CDH13: variants seen among roughly 807,000 people sequenced by gnomAD.
CDH13 encodes cadherin-13.
In CDH13, 24 loss-of-function variants were observed where a neutral mutation model predicts 63.8. That is an observed-to-expected ratio of 0.38 (90% CI 0.27 to 0.53). The LOEUF (loss-of-function observed/expected upper bound fraction) is 0.53. Ranked by LOEUF, CDH13 falls within the 20% of genes least tolerant of loss-of-function variation. CDH13 has a pLI of 0.85. For missense variants in CDH13, 1,049 were observed against 903.1 expected (o/e 1.16, Z -2.07); for synonymous variants, 503 against 355.3 (o/e 1.42, Z -4.67).
intron 4 of CDH13, 131 bp from the exon 5 acceptor site, chr16:83,217,214 C>T (rs367902720): frequency 1.0e-5 from 8 of 801,878 alleles, no homozygotes; most frequent in African/African-American, 1.7e-5. Flanking sequence ...TTACTTTAGT[C>T]AAATCTGTGT....
At chr16:82,800,630 C>T (rs1390169077) in intron 1 of CDH13, among the ~76,000 whole-genome samples, 3 of 152,188 alleles carry the variant, frequency 2.0e-5, no homozygotes, top group East Asian at 1.9e-4. Flanking sequence ...GGGTCCTGGC[C>T]AGCTCTACAT....
intron 4 of CDH13, among the ~76,000 whole-genome samples, chr16:83,157,970 A>T (rs758014805): frequency 2.7e-4 from 41 of 151,998 alleles, no homozygotes; most frequent in Non-Finnish European, 5.3e-4. Flanking sequence ...GCTTCCTCAG[A>T]TTGTTCTAGA....
intron 1 of CDH13, among the ~76,000 whole-genome samples, chr16:82,665,466 T>C (rs1215719808): frequency 6.6e-6 from 1 of 152,208 alleles, no homozygotes; most frequent in Non-Finnish European, 1.5e-5. Flanking sequence ...GCATTTCTAC[T>C]AGGAGCAATG....
chr16:83,312,161 T>C, intron 5 of CDH13, among the ~76,000 whole-genome samples: 1 of 151,898 alleles, frequency 6.6e-6, no homozygotes, highest in East Asian at 1.9e-4. Flanking sequence ...TTTTCTGCCC[T>C]TGATTGCACA....
In CDH13 at chr16:82,970,461, G is replaced by A. The variant is rs936575667; in HGVS notation, c.158-61549G>A. ...AGGCCGGACTGCGGACTGCAGTGGC[G>A]CAATCTCGGCTCACTGCAAGCTCCA... On this transcript the variant is annotated intron_variant, in intron 2 of 13. Coordinates refer to ENST00000567109, the MANE Select transcript of CDH13 (RefSeq NM_001257.5). 3.7e-4 allele frequency among the ~76,000 whole-genome samples: 49 copies of A among 133,156 alleles called. 2 individuals are homozygous for A. Among genetic ancestry groups the A allele is most frequent in the Admixed American group, 1.8e-3 (23 of 12,624 alleles). The allele number at this position is 133,156 out of a possible 152,430, so 87.4% of individuals were successfully genotyped here. A position where few individuals can be genotyped will look rare whatever the true frequency, so the allele number is the denominator to read the frequency against.
chr16:83,774,006 T>A (rs888092348), intron 11 of CDH13, among the ~76,000 whole-genome samples: 4 of 152,106 alleles, frequency 2.6e-5, no homozygotes, highest in African/African-American at 9.7e-5. Flanking sequence ...CATTTCTGCT[T>A]CACAAACCTC....
At chr16:82,999,697 T>TAAA (rs1196251967) in intron 2 of CDH13, among the ~76,000 whole-genome samples, 1 of 152,230 alleles carries the variant, frequency 6.6e-6, no homozygotes, top group Non-Finnish European at 1.5e-5. Context: ...ATGACATGTT[T>TAAA]AAAAACACAG....
intron 6 of CDH13, among the ~76,000 whole-genome samples, chr16:83,475,292 G>C (rs774140435): frequency 2.6e-5 from 4 of 152,212 alleles, no homozygotes; most frequent in African/African-American, 7.2e-5. Context: ...CAAGAGTGCT[G>C]TGTGTCGTTT....
intron 5 of CDH13, among the ~76,000 whole-genome samples, chr16:83,236,644 G>A (rs11150555): frequency 0.71 from 108,055 of 151,862 alleles, 39,801 homozygotes; most frequent in East Asian, 0.94. Flanking sequence ...CATAGTGGTA[G>A]CTAGGTTCTT....
chr16:82,713,676 A>G (rs1189604238), intron 1 of CDH13, among the ~76,000 whole-genome samples: 1 of 152,162 alleles, frequency 6.6e-6, no homozygotes, highest in Non-Finnish European at 1.5e-5. Flanking sequence ...AGCAAAAGCA[A>G]ATGCATACCA....
chr16:83,651,057 C>T (rs1031689853), intron 8 of CDH13, among the ~76,000 whole-genome samples: 3 of 151,722 alleles, frequency 2.0e-5, no homozygotes, highest in Non-Finnish European at 2.9e-5. Flanking sequence ...GCCATCATCA[C>T]GCAAGTGTAT....
At chr16:83,178,391 G>C (rs978440763) in intron 4 of CDH13, among the ~76,000 whole-genome samples, 22 of 152,172 alleles carry the variant, frequency 1.4e-4, no homozygotes, top group African/African-American at 5.1e-4. Context: ...GATCCTGTCT[G>C]AAGTCCCCTC....
intron 10 of CDH13, among the ~76,000 whole-genome samples, chr16:83,691,184 A>G (rs995675869): frequency 6.6e-6 from 1 of 152,138 alleles, no homozygotes; most frequent in Non-Finnish European, 1.5e-5. Flanking sequence ...ATGGAAGCAC[A>G]GAGGGCACAT....
intron 6 of CDH13, among the ~76,000 whole-genome samples, chr16:83,390,391 C>T (rs933523111): frequency 2.0e-5 from 3 of 152,028 alleles, no homozygotes; most frequent in Non-Finnish European, 4.4e-5. Context: ...TGGTTAAGTC[C>T]CGGGGCCCTG....
intron 1 of CDH13, among the ~76,000 whole-genome samples, chr16:82,694,630 C>G (rs974609235): frequency 6.6e-6 from 1 of 152,122 alleles, no homozygotes; most frequent in African/African-American, 2.4e-5. Context: ...GTGAATTTTC[C>G]CACTGCCATG....
chr16:83,534,927 G>A (rs761543725), intron 7 of CDH13, among the ~76,000 whole-genome samples: 2 of 152,242 alleles, frequency 1.3e-5, no homozygotes, highest in Non-Finnish European at 2.9e-5. Flanking sequence ...AAATGTCAAT[G>A]TCTAGGACAA....
chr16:83,102,397 C>G (rs561006859), intron 3 of CDH13, among the ~76,000 whole-genome samples: 5 of 152,320 alleles, frequency 3.3e-5, no homozygotes, highest in African/African-American at 1.2e-4. Flanking sequence ...ACCAGCAAAT[C>G]TGCAGGCTCT....
intron 6 of CDH13, among the ~76,000 whole-genome samples, chr16:83,420,005 A>C (rs1052740343): frequency 6.6e-6 from 1 of 151,866 alleles, no homozygotes; most frequent in East Asian, 1.9e-4. Flanking sequence ...ATTAACTCAC[A>C]TTGCATCTTG....
chr16:83,418,692 G>C (rs1597974912), intron 6 of CDH13, among the ~76,000 whole-genome samples: 1 of 110,676 alleles, frequency 9.0e-6, no homozygotes, highest in Non-Finnish European at 1.9e-5. Context: ...TTTTAGCAAA[G>C]AGAGAGAGAG....
Sources: allele counts gnomAD v4.1 joint callset (sites outside exome capture counted in the v4.1 genomes callset), GRCh38; gene constraint gnomAD v4.1.1; transcripts MANE v1.5; gene names NCBI Gene and HGNC (gene_info 2026-07-23, HGNC 2026-07-21).